Variants in MCM6 observed in about 807,000 individuals in gnomAD.
MCM6 encodes minichromosome maintenance complex component 6.
MCM6 carries 46 observed loss-of-function variants against 94.3 expected under a neutral mutation model. The observed-to-expected ratio is 0.49, with a 90% CI of 0.39 to 0.62. The LOEUF (loss-of-function observed/expected upper bound fraction) is 0.62, where lower values mean the gene tolerates loss of function less well. Among genes scored for constraint, MCM6 ranks in the 20% least tolerant of loss-of-function variants. MCM6 has a pLI of 0.00. For missense variants in MCM6, 865 were observed against 1,017.9 expected, an observed-to-expected ratio of 0.85 and a Z score of 2.04; for synonymous variants, 335 against 351.9, an observed-to-expected ratio of 0.95 and a Z score of 0.54.
chr2:135,843,117 AG>A (rs1250110587), intron 16 of MCM6, among the ~76,000 whole-genome samples: 1 of 152,212 alleles, frequency 6.6e-6, no homozygotes, highest in African/African-American at 2.4e-5. Flanking sequence ...TGGGGGTCAG[AG>A]GATTTGCTGC....
At chr2:135,853,466 C>G (rs1002830117) in intron 11 of MCM6, among the ~76,000 whole-genome samples, 1 of 152,014 alleles carries the variant, frequency 6.6e-6, no homozygotes, top group African/African-American at 2.4e-5. Context: ...ACAAAAATAG[C>G]AGAACTAACA....
rs1372442038 is a variant in MCM6, at chr2:135,876,348, T to C, written c.18A>G (p.Ala6=). The change falls in exon 1 of 17, where the codon GCA becomes GCG. Residue 6 remains alanine (A), a synonymous_variant. Coordinates refer to ENST00000264156, the MANE Select transcript of MCM6 (RefSeq NM_005915.6). MDLAA[A]AEPGAGSQHL... ...GCTGGCTGCCGGCGCCCGGCTCCGC[T>C]GCCGCCGCGAGGTCCATATTTGCTT... The C allele has an allele frequency of 1.2e-6, 2 of 1,607,934 alleles. No homozygotes were observed. The highest frequency in any genetic ancestry group is 4.5e-5 in the East Asian group (2 of 44,598).
chr2:135,847,447 A>G (rs965268060), intron 14 of MCM6, among the ~76,000 whole-genome samples: 2 of 152,180 alleles, frequency 1.3e-5, no homozygotes, highest in Admixed American at 6.5e-5. Flanking sequence ...TTTCTGTTCT[A>G]ATGTGCTTGA....
At chr2:135,857,041 T>C (rs1247887551) in intron 10 of MCM6, among the ~76,000 whole-genome samples, 158 bp from the exon 11 acceptor site, 1 of 152,240 alleles carries the variant, frequency 6.6e-6, no homozygotes, top group African/African-American at 2.4e-5. Flanking sequence ...ATTTTGGTGG[T>C]ATGATGTGCA....
chr2:135,849,611 T>C (rs1255151419), intron 13 of MCM6, among the ~76,000 whole-genome samples: 2 of 152,154 alleles, frequency 1.3e-5, no homozygotes, highest in Non-Finnish European at 2.9e-5. Flanking sequence ...AGCCCTACAT[T>C]TAAACTACAA....
At chr2:135,872,439 GA>G (rs1465670412) in intron 2 of MCM6, among the ~76,000 whole-genome samples, 7 of 151,252 alleles carry the variant, frequency 4.6e-5, no homozygotes, top group African/African-American at 1.7e-4. Flanking sequence ...GACAGAGCAA[GA>G]CTCCGTCTCA....
At chr2:135,861,319 G>C (rs1463114114) in intron 8 of MCM6, among the ~76,000 whole-genome samples, 1 of 151,934 alleles carries the variant, frequency 6.6e-6, no homozygotes, top group African/African-American at 2.4e-5. Flanking sequence ...CTACAAGAAA[G>C]TGGGCAAATT....
intron 15 of MCM6, among the ~76,000 whole-genome samples, chr2:135,845,984 A>G (rs1357791656): frequency 6.6e-6 from 1 of 152,244 alleles, no homozygotes. Flanking sequence ...TCAGGTCCCA[A>G]AATTATTAAA....
At chr2:135,850,576 C>T (rs1438377081) in intron 13 of MCM6, among the ~76,000 whole-genome samples, 1 of 151,982 alleles carries the variant, frequency 6.6e-6, no homozygotes, top group Non-Finnish European at 1.5e-5. Context: ...TAGTAAAGTA[C>T]CATATCAAAG....
chr2:135,845,266 T>C (rs1392729526), intron 15 of MCM6, among the ~76,000 whole-genome samples: 1 of 152,200 alleles, frequency 6.6e-6, no homozygotes, highest in Non-Finnish European at 1.5e-5. Flanking sequence ...AAAGTCCTGG[T>C]AAGAACCCTC....
intron 4 of MCM6, among the ~76,000 whole-genome samples, chr2:135,867,067 T>G (rs1365440237): frequency 2.6e-5 from 4 of 152,152 alleles, no homozygotes; most frequent in Non-Finnish European, 5.9e-5. Context: ...TCTCCTAAGC[T>G]TTAAGATAAT....
At position 135,840,938 on chromosome 2, in the gene MCM6, A is replaced by G. The variant is rs1208950863; in HGVS notation, c.2363T>C (p.Ile788Thr). The stretch of plus-strand genomic sequence containing the variant: ...TTTCAATCCAGCCTGGGTGAGCTCA[A>G]TTAGAACATGATCCTGTGAAACACA... ...HRLTHYDHVLIELTQAGLKGS... is the reference protein window; with the variant it reads ...HRLTHYDHVLTELTQAGLKGS... The change falls in exon 17 of 17, where the codon ATT becomes ACT. Residue 788 changes from isoleucine to threonine, a missense_variant. Physicochemically the swap from Ile to Thr is moderately conservative, Grantham distance 89. Transcript: ENST00000264156. 3 of 1,613,244 alleles carry G rather than the reference A, an allele frequency of 1.9e-6. No homozygotes were observed. The highest frequency in any genetic ancestry group is 2.5e-6 in the Non-Finnish European group (3 of 1,179,264).
At chr2:135,847,129 T>C (rs117529441) in intron 14 of MCM6, among the ~76,000 whole-genome samples, 4,489 of 152,116 alleles carry the variant, frequency 0.03, 94 homozygotes, top group East Asian at 0.061. Context: ...AAAAACTAAC[T>C]TGGGAGGAAC....
chr2:135,841,025 C>A, intron 16 of MCM6, 74 bp from the exon 17 acceptor site: 1 of 1,054,982 alleles, frequency 9.5e-7, no homozygotes, highest in South Asian at 1.3e-5. Context: ...AGACTTGACC[C>A]TTCTTCCGAG....
At chr2:135,844,828 C>T (rs1228886288) in intron 15 of MCM6, 144 bp from the exon 16 acceptor site, 11 of 722,980 alleles carry the variant, frequency 1.5e-5, no homozygotes, top group Non-Finnish European at 2.0e-5. Context: ...ACGTAAGGTC[C>T]GCAATGTTCT....
In MCM6 at chr2:135,866,143, T is replaced by C. The variant is rs182626176; in HGVS notation, c.916A>G (p.Thr306Ala). Residue 306 changes from threonine to alanine, a missense_variant, in exon 6 of 17, where the codon ACC becomes GCC. Coordinates refer to ENST00000264156, the MANE Select transcript of MCM6 (RefSeq NM_005915.6). The part of the protein sequence containing the change: ...LVFLACCVAP[T>A]NPRFGGKELR... ...CCAAAACGACTGACCCTTGGGTTGG[T>C]TGGCGCAACACAGCAGGCAAGAAAG... 33 of 1,614,054 alleles carry C rather than the reference T, an allele frequency of 2.0e-5. No homozygotes were observed. The highest frequency in any genetic ancestry group is 6.7e-5 in the East Asian group (3 of 44,874).
At chr2:135,872,442 T>C (rs1399389704) in intron 2 of MCM6, among the ~76,000 whole-genome samples, 1 of 149,996 alleles carries the variant, frequency 6.7e-6, no homozygotes, top group Non-Finnish European at 1.5e-5. Context: ...AGAGCAAGAC[T>C]CCGTCTCAAA....
intron 11 of MCM6, among the ~76,000 whole-genome samples, chr2:135,856,094 AAAAT>A (rs2105580912): frequency 6.8e-6 from 1 of 147,228 alleles, no homozygotes. Flanking sequence ...AGGTGACTGA[AAAAT>A]AAAATAAAAG....
chr2:135,857,325 T>G (rs575018881), intron 10 of MCM6, among the ~76,000 whole-genome samples: 24 of 152,356 alleles, frequency 1.6e-4, no homozygotes, highest in Non-Finnish European at 2.5e-4. Context: ...ATTGTCAGTA[T>G]TATGCTTATG....
Sources: gnomAD v4.1 joint callset for allele counts (sites outside exome capture counted in the v4.1 genomes callset) on GRCh38, gnomAD v4.1.1 for gene constraint, MANE v1.5 for transcripts, NCBI Gene and HGNC (gene_info 2026-07-23, HGNC 2026-07-21) for gene names.